Variants in GBP5 observed in about 807,000 individuals in gnomAD.
GBP5 encodes guanylate-binding protein 5.
In GBP5, 48 loss-of-function variants were observed where a neutral mutation model predicts 58.2. That is an observed-to-expected ratio of 0.83 (90% confidence interval 0.65 to 1.05). The LOEUF (loss-of-function observed/expected upper bound fraction) is 1.05, where lower values mean the gene tolerates loss of function less well. Ranked by LOEUF, GBP5 falls within the 50% of genes least tolerant of loss-of-function variation. The probability of loss-of-function intolerance (pLI) is 0.00; values close to 1 mark genes in which losing one functional copy is unlikely to be tolerated. For synonymous variants in GBP5, 248 were observed against 251.8 expected, an observed-to-expected ratio of 0.98 and a Z score of 0.14; for missense variants, 714 against 686.8, an observed-to-expected ratio of 1.04 and a Z score of -0.44.
chr1:89,258,031 G>A lies in GBP5; in HGVS notation c.*2673C>T, dbSNP rs1211949935. Among the ~76,000 whole-genome samples the A allele has an allele frequency of 6.6e-6, 1 of 152,206 alleles. No individual in the cohort carries two copies. Among genetic ancestry groups the A allele is most frequent in the African/African-American group, 2.4e-5 (1 of 41,462 alleles). On this transcript the variant is annotated 3_prime_UTR_variant, in exon 12 of 12. Coordinates refer to ENST00000370459, the MANE Select transcript of GBP5 (RefSeq NM_052942.5). ...ATAAGCTACTTACTGGTAGTTTCAA[G>A]AAATCATCAATGTTTACCTTACAGT...
chr1:89,263,945 G>T lies in GBP5; in HGVS notation c.1153C>A (p.Leu385Ile), dbSNP rs1210513879. 4 of 1,596,098 alleles carry T rather than the reference G, an allele frequency of 2.5e-6. No individual in the cohort carries two copies. The highest frequency in any genetic ancestry group is 1.1e-5 in the South Asian group (1 of 90,538). ...DQSFQKELETLLDAKQNDICK... is the reference protein window; with the variant it reads ...DQSFQKELETILDAKQNDICK... ...ATGTCATTCTGTTTTGCATCTAGTA[G>T]AGTCTTCAAAGAGACAAAAACCCAT... Residue 385 changes from leucine to isoleucine, a missense_variant, in exon 9 of 12, where the codon CTA becomes ATA. Transcript: ENST00000370459.
chr1:89,266,266 A>T (rs1650207588), intron 7 of GBP5, 80 bp downstream of exon 7: 8 of 1,225,974 alleles, frequency 6.5e-6, no homozygotes, highest in Non-Finnish European at 9.3e-6. Flanking sequence ...GTCAACATTG[A>T]CAATGCAAGG....
At position 89,266,768 on chromosome 1, in the gene GBP5, T is replaced by G. The variant is rs150822885; in HGVS notation, c.626-180A>C. 2.3e-3 allele frequency among the ~76,000 whole-genome samples: 350 copies of G among 152,198 alleles called. 3 individuals carry two copies. Among genetic ancestry groups the G allele is most frequent in the African/African-American group, 8.3e-3 (343 of 41,506 alleles). Reference sequence around the variant, plus strand: ...TAAAAAAGAAAATTTGTTCTAAGAATGAGGAAAATGCAATTTAATATTGAA... The same window carrying G: ...TAAAAAAGAAAATTTGTTCTAAGAAGGAGGAAAATGCAATTTAATATTGAA... On this transcript the variant is annotated intron_variant, in intron 6 of 11. Transcript: ENST00000370459.
rs1039611652 is a variant in GBP5, at chr1:89,260,544, T to C, written c.*160A>G. 4.4e-5 allele frequency: 25 copies of C among 569,906 alleles called. No individual in the cohort carries two copies. Among genetic ancestry groups the C allele is most frequent in the Admixed American group, 1.5e-4 (5 of 32,824 alleles). 35.3% of individuals were successfully genotyped at this position (569,906 alleles called of 1,614,324 possible). ...TATTGGACTACTGGGATGTACATTT[T>C]ACCAGATACCAGCATCATAATCTTA... On this transcript the variant is annotated 3_prime_UTR_variant, in exon 12 of 12. Coordinates refer to ENST00000370459, the MANE Select transcript of GBP5 (RefSeq NM_052942.5).
At position 89,258,838 on chromosome 1, in the gene GBP5, T is replaced by C. The variant is rs1483607048; in HGVS notation, c.*1866A>G. ...GTAACAAAAAGTACATAAAAAGATG[T>C]AATAAAGTGTGTTTTAATTCTAGTC... On this transcript the variant is annotated 3_prime_UTR_variant, in exon 12 of 12. Coordinates refer to ENST00000370459, the MANE Select transcript of GBP5 (RefSeq NM_052942.5). The C allele has an allele frequency of 6.6e-6, 1 of 152,134 alleles. No homozygotes were observed. The highest frequency in any genetic ancestry group is 6.5e-5 in the Admixed American group (1 of 15,276). 9.4% of individuals were successfully genotyped at this position (152,134 alleles called of 1,614,324 possible).
intron 1 of GBP5, chr1:89,271,321 G>C (rs922735641): frequency 6.6e-6 from 1 of 152,118 alleles, no homozygotes; most frequent in Non-Finnish European, 1.5e-5. Flanking sequence ...CTGGCTATCT[G>C]TATCTCTCTG....
chr1:89,265,808 T>C (rs1650191222), intron 7 of GBP5, among the ~76,000 whole-genome samples: 2 of 152,130 alleles, frequency 1.3e-5, no homozygotes, highest in African/African-American at 4.8e-5. Flanking sequence ...AACTTTCCTG[T>C]TTTACGTCCT....
At chr1:89,263,249 A>T (rs576524094) in intron 9 of GBP5, 81 of 162,632 alleles carry the variant, frequency 5.0e-4, no homozygotes, top group Non-Finnish European at 2.6e-4. Context: ...GCCTGCCTGG[A>T]AATGAAGCCA....
At chr1:89,265,674 G>A (rs1204831819) in intron 7 of GBP5, among the ~76,000 whole-genome samples, 1 of 142,512 alleles carries the variant, frequency 7.0e-6, no homozygotes, top group Non-Finnish European at 1.5e-5. Flanking sequence ...CTTGCAGTGA[G>A]CCAAGATCGT....
In GBP5 at chr1:89,266,372, G is replaced by C; in HGVS notation, c.842C>G (p.Pro281Arg). 6.2e-7 allele frequency: 1 copy of C among 1,613,532 alleles called. No individual in the cohort carries two copies. Among genetic ancestry groups the C allele is most frequent in the Non-Finnish European group, 8.5e-7 (1 of 1,179,436 alleles). Reference sequence around the variant, plus strand: ...AGATCCATTGACCATGATGCCACCTGGAAGAGTCTTGGTCATAGAATGGCT... The same window carrying C: ...AGATCCATTGACCATGATGCCACCTCGAAGAGTCTTGGTCATAGAATGGCT... ...IFSHSMTKTL[P>R]GGIMVNGSRL... Residue 281 changes from proline to arginine, a missense_variant, in exon 7 of 12, where the codon CCA becomes CGA. Physicochemically the swap from Pro to Arg is moderately radical, Grantham distance 103. Coordinates refer to ENST00000370459, the MANE Select transcript of GBP5 (RefSeq NM_052942.5).
Position 89,267,537 on chromosome 1 carries a change from G to C in GBP5, c.319-11C>G. 6.3e-7 allele frequency: 1 copy of C among 1,583,042 alleles called. No homozygotes were observed. Among genetic ancestry groups the C allele is most frequent in the African/African-American group, 1.3e-5 (1 of 74,456 alleles). On this transcript the variant is annotated splice_polypyrimidine_tract_variant and intron_variant, in intron 4 of 11. Transcript: ENST00000370459. ...ATTCTTGTTGTCAGCCTAGAAGTCA[G>C]ACCAAATTTAAGTCATGTCTCATGG...
intron 10 of GBP5, 125 bp from the exon 11 acceptor site, chr1:89,262,526 AC>A: frequency 1.1e-6 from 1 of 945,894 alleles, no homozygotes; most frequent in Non-Finnish European, 1.6e-6. Flanking sequence ...CTTCCAGGTA[AC>A]CACAATGCAG....
intron 5 of GBP5, 87 bp from the exon 6 acceptor site, chr1:89,267,240 C>T: frequency 8.5e-7 from 1 of 1,176,842 alleles, no homozygotes; most frequent in African/African-American, 1.5e-5. Flanking sequence ...CTTTATTTTC[C>T]CCTACGAGTC....
chr1:89,267,508 T>C lies in GBP5; in HGVS notation c.337A>G (p.Ile113Val). ...DVEKADNKND[I>V]QIFALALLLS... The stretch of plus-strand genomic sequence containing the variant: ...AAGAGTGCCAGTGCAAAGATCTGGA[T>C]ATCATTCTTGTTGTCAGCCTAGAAG... The change falls in exon 5 of 12, where the codon ATC (isoleucine) becomes GTC (valine). Residue 113 changes from isoleucine to valine, a missense_variant. Ile to Val is a conservative substitution (Grantham distance 29). Transcript: ENST00000370459. 1 of 1,613,432 alleles carries C rather than the reference T, an allele frequency of 6.2e-7. No homozygotes were observed. The highest frequency in any genetic ancestry group is 8.5e-7 in the Non-Finnish European group (1 of 1,179,314).
At chr1:89,270,388 G>A (rs529645005) in intron 2 of GBP5, 1 of 152,228 alleles carries the variant, frequency 6.6e-6, no homozygotes, top group Admixed American at 6.5e-5. Flanking sequence ...ATTTACTAAG[G>A]ATGCTAAAAC....
rs753441882 is a variant in GBP5, at chr1:89,269,497, T to C, written c.59A>G (p.Gln20Arg). Residue 20 changes from glutamine (Q) to arginine (R), a missense_variant, in exon 3 of 12, where the codon CAG becomes CGG. Coordinates refer to ENST00000370459, the MANE Select transcript of GBP5 (RefSeq NM_052942.5). ...PMCLIENFNE[Q>R]LKVNQEALEI... ...CAAAGCTTCCTGATTAACCTTCAGCTGCTCATTAAAGTTCTCGATGAGGCA... is the reference window on the plus strand; with the variant it reads ...CAAAGCTTCCTGATTAACCTTCAGCCGCTCATTAAAGTTCTCGATGAGGCA... 6.2e-7 allele frequency: 1 copy of C among 1,614,034 alleles called. No individual in the cohort carries two copies. Among genetic ancestry groups the C allele is most frequent in the East Asian group, 2.2e-5 (1 of 44,880 alleles).
chr1:89,269,246 C>G, intron 3 of GBP5, 120 bp downstream of exon 3: 1 of 979,170 alleles, frequency 1.0e-6, no homozygotes, highest in East Asian at 2.4e-5. Context: ...CCAGCTGTAG[C>G]CTAAACATTG....
At chr1:89,269,621 A>T in intron 2 of GBP5, 47 bp from the exon 3 acceptor site, 1 of 1,349,024 alleles carries the variant, frequency 7.4e-7, no homozygotes, top group Non-Finnish European at 1.0e-6. Context: ...GTGTTTGTTT[A>T]ATAAGCAAAG....
chr1:89,256,353 G>C lies in GBP5; in HGVS notation c.*4351C>G, dbSNP rs575005117. Among the ~76,000 whole-genome samples the C allele has an allele frequency of 6.6e-6, 1 of 152,214 alleles. No individual in the cohort carries two copies. Among genetic ancestry groups the C allele is most frequent in the Non-Finnish European group, 1.5e-5 (1 of 68,026 alleles). On this transcript the variant is annotated 3_prime_UTR_variant, in exon 12 of 12. Transcript: ENST00000370459. ...ATCCTAGAAAATAGTTGTGAAAGTT[G>C]TGATATTAGTTGGCTCTAGCAGGGT...
Sources: allele counts gnomAD v4.1 joint callset (sites outside exome capture counted in the v4.1 genomes callset), GRCh38; gene constraint gnomAD v4.1.1; transcripts MANE v1.5; gene names NCBI Gene and HGNC (gene_info 2026-07-23, HGNC 2026-07-21).